Variants in DNAH1 observed in about 807,000 individuals in gnomAD.
DNAH1 encodes the protein dynein axonemal heavy chain 1, also known as axonemal beta dynein heavy chain 1.
A neutral mutation model predicts 484.3 loss-of-function variants in DNAH1; 327 were observed. The ratio of observed to expected loss-of-function variants is 0.68; its 90% CI spans 0.62 to 0.74. DNAH1 has a LOEUF of 0.74. DNAH1 is among the 30% of genes least tolerant of loss of function. The pLI, the probability that DNAH1 is intolerant of heterozygous loss-of-function variation, is 0.00. For missense variants in DNAH1, 5,052 were observed against 5,546.8 expected (o/e 0.91, Z 2.83); for synonymous variants, 2,192 against 2,191.9 (o/e 1.00, Z 0.00).
chr3:52,312,378 C>T (rs781520652), upstream of DNAH1, among the ~76,000 whole-genome samples: 2 of 152,028 alleles, frequency 1.3e-5, no homozygotes, highest in African/African-American at 4.8e-5. Context: ...CCTTACTGTA[C>T]ACTTCAGAGT....
chr3:52,374,173 T>A (rs1333987767), intron 44 of DNAH1: 2 of 1,276,212 alleles, frequency 1.6e-6, no homozygotes, highest in Non-Finnish European at 2.3e-6. Context: ...AACAGATAAA[T>A]AATATATTTT....
Position 52,344,629 on chromosome 3 carries a change from G to T in DNAH1, c.1426G>T (p.Glu476Ter). 6.2e-7 allele frequency: 1 copy of T among 1,613,626 alleles called. No homozygotes were observed. The highest frequency in any genetic ancestry group is 1.7e-5 in the Admixed American group (1 of 60,012). ...CGTCACCCTCCCCAAGAAGGAGGAG[G>T]AGCAGGTGCCTGAGCGAGGTGAGGG... The part of the protein sequence containing the change: ...SYVTLPKKEE[E>*]QVPERGLVSV... Residue 476 changes from glutamate to a stop codon, truncating the protein, a stop_gained, in exon 9 of 78, where the codon GAG (glutamate) becomes TAG (stop). Coordinates refer to ENST00000420323, the MANE Select transcript of DNAH1 (RefSeq NM_015512.5). LOFTEE classifies it high-confidence loss of function.
chr3:52,347,867 A>C lies in DNAH1; in HGVS notation c.1999A>C (p.Ser667Arg). The change falls in exon 12 of 78, where the codon AGC becomes CGC. Residue 667 changes from serine to arginine, a missense_variant. By Grantham distance (110) the Ser-to-Arg change is moderately radical. Coordinates refer to ENST00000420323, the MANE Select transcript of DNAH1 (RefSeq NM_015512.5). The stretch of plus-strand genomic sequence containing the variant: ...GTTCATCATGGACCTGGTGCTGGAC[A>C]GCTCTGGGGTGCACTATAGCACCCC... ...PLFIMDLVLD[S>R]SGVHYSTPLE... The C allele has an allele frequency of 6.2e-7, 1 of 1,603,722 alleles. No homozygotes were observed. The highest frequency in any genetic ancestry group is 8.5e-7 in the Non-Finnish European group (1 of 1,174,926).
chr3:52,368,833 C>T lies in DNAH1; in HGVS notation c.5858C>T (p.Ala1953Val). 2 of 1,613,994 alleles carry T rather than the reference C, an allele frequency of 1.2e-6. No individual in the cohort carries two copies. ...TACATGTTCGATGGGCCGGTGGATG[C>T]CATCTGGATTGAGAACATGAACACG... ...KWYMFDGPVDAIWIENMNTVL... is the reference protein window; with the variant it reads ...KWYMFDGPVDVIWIENMNTVL... The change falls in exon 37 of 78, where the codon GCC becomes GTC. Residue 1953 changes from alanine (A) to valine (V), a missense_variant. Physicochemically the swap from Ala to Val is moderately conservative, Grantham distance 64. Around this residue, in one of 4 missense-constraint regions of DNAH1, gnomAD observed 2,929 missense variants for 3,409.4 expected, o/e 0.86. Transcript: ENST00000420323. The surrounding 1 kb of genome is among the most constrained non-coding windows in gnomAD (Gnocchi z 4.4).
chr3:52,390,797 C>A, intron 60 of DNAH1, 138 bp from the exon 61 acceptor site: 1 of 1,336,568 alleles, frequency 7.5e-7, no homozygotes, highest in Non-Finnish European at 1.0e-6. Context: ...TACATTGTCA[C>A]CTGCCCCCAA....
chr3:52,382,179 G>A, intron 49 of DNAH1, 141 bp from the exon 50 acceptor site: 1 of 1,377,120 alleles, frequency 7.3e-7, no homozygotes, highest in Non-Finnish European at 1.0e-6. Context: ...AAAAAAGCAG[G>A]TTCAGGGCCT....
intron 45 of DNAH1, 148 bp from the exon 46 acceptor site, chr3:52,375,807 A>G (rs1559548006): frequency 1.1e-6 from 1 of 911,102 alleles, no homozygotes; most frequent in Non-Finnish European, 1.7e-6. Context: ...GCCACAAGAT[A>G]GGATGGACGG....
At chr3:52,312,613 G>C (rs906059223), upstream of DNAH1, among the ~76,000 whole-genome samples, 2 of 151,654 alleles carry the variant, frequency 1.3e-5, no homozygotes, top group African/African-American at 2.4e-5. Flanking sequence ...TGGGACTACA[G>C]GGATGTGCCA....
At chr3:52,341,154 A>T (rs949578625) in intron 8 of DNAH1, among the ~76,000 whole-genome samples, 4 of 152,178 alleles carry the variant, frequency 2.6e-5, no homozygotes, top group Non-Finnish European at 4.4e-5. Flanking sequence ...AGGGAAGTGC[A>T]TTCCTGTACC....
At position 52,364,748 on chromosome 3, in the gene DNAH1, C is replaced by T; in HGVS notation, c.5331+24C>T. On this transcript the variant is annotated intron_variant, in intron 33 of 77. Transcript: ENST00000420323. The surrounding 1 kb of genome is among the most constrained non-coding windows in gnomAD (Gnocchi z 4.2). ...AGGTGAGCTCCACCCAGCAGGGCTCCAGGAGTGGAACTCTGGGAGGGCTCC... is the reference window on the plus strand; with the variant it reads ...AGGTGAGCTCCACCCAGCAGGGCTCTAGGAGTGGAACTCTGGGAGGGCTCC... 1 of 1,609,530 alleles carries T rather than the reference C, an allele frequency of 6.2e-7. No homozygotes were observed. The highest frequency in any genetic ancestry group is 8.5e-7 in the Non-Finnish European group (1 of 1,177,276).
Position 52,393,492 on chromosome 3 carries a change from G to A in DNAH1, c.10626+7G>A, listed in dbSNP as rs1704486525. 2 of 1,613,820 alleles carry A rather than the reference G, an allele frequency of 1.2e-6. No homozygotes were observed. Among genetic ancestry groups the A allele is most frequent in the Admixed American group, 1.7e-5 (1 of 59,998 alleles). On this transcript the variant is annotated splice_region_variant and intron_variant, in intron 66 of 77. Transcript: ENST00000420323. ...CGAGGGCAAAATCAACCAGGTGCTGGCAGAGACACCCAGGACAGACTGCCT... is the reference window on the plus strand; with the variant it reads ...CGAGGGCAAAATCAACCAGGTGCTGACAGAGACACCCAGGACAGACTGCCT...
At chr3:52,314,430 G>A (rs1342899186), upstream of DNAH1, among the ~76,000 whole-genome samples, 1 of 152,234 alleles carries the variant, frequency 6.6e-6, no homozygotes, top group Non-Finnish European at 1.5e-5. Context: ...GGCTGGGGGA[G>A]AGGAGGTGAG....
upstream of DNAH1, among the ~76,000 whole-genome samples, chr3:52,314,683 T>C (rs1700892635): frequency 6.6e-6 from 1 of 151,966 alleles, no homozygotes; most frequent in South Asian, 2.1e-4. Context: ...AGGGAGTGAG[T>C]CATCTACCAA....
chr3:52,317,340 G>A (rs769556938), intron 1 of DNAH1, among the ~76,000 whole-genome samples: 2 of 152,096 alleles, frequency 1.3e-5, no homozygotes, highest in African/African-American at 4.8e-5. Context: ...GAGGGGTGTC[G>A]GGCGCATCCG....
In DNAH1 at chr3:52,359,608, G is replaced by A. The variant is rs570308786; in HGVS notation, c.4407+222G>A. ...CTGCAAGGGTCAGTGAGGGAGCCAC[G>A]CGCCTGGTCCCTCCTGCACAGTACC... On this transcript the variant is annotated intron_variant, in intron 26 of 77. Transcript: ENST00000420323. Among the ~76,000 whole-genome samples, 9 of 152,314 alleles carry A rather than the reference G, an allele frequency of 5.9e-5. 1 individual carries two copies. In the South Asian group the frequency reaches 1.2e-3, roughly 21 times the overall value.
intron 75 of DNAH1, 87 bp from the exon 76 acceptor site, chr3:52,398,760 GTTT>G (rs1162681205): frequency 1.7e-6 from 2 of 1,188,836 alleles, no homozygotes; most frequent in African/African-American, 3.1e-5. Context: ...TTTTGCCATT[GTTT>G]TTCACTCTGT....
intron 75 of DNAH1, 149 bp downstream of exon 75, chr3:52,398,311 C>A: frequency 9.1e-7 from 1 of 1,093,838 alleles, no homozygotes; most frequent in African/African-American, 1.6e-5. Context: ...GACACGGAGT[C>A]TCTCTCTGTT....
Position 52,395,981 on chromosome 3 carries a change from G to A in DNAH1, c.11259+303G>A, listed in dbSNP as rs1268503294. On this transcript the variant is annotated intron_variant, in intron 70 of 77. Transcript: ENST00000420323. This position sits in a 1 kb window ranked among gnomAD's most constrained non-coding sequence, Gnocchi z 4.4. ...TCAGACGGAGTCTCACTCTGTCACC[G>A]GGGCTGGGGTGCAGTGGTGCAATCT... Among the ~76,000 whole-genome samples the A allele has an allele frequency of 2.7e-5, 4 of 147,048 alleles. No homozygotes were observed. The highest frequency in any genetic ancestry group is 5.9e-5 in the Non-Finnish European group (4 of 67,244).
Position 52,326,905 on chromosome 3 carries a change from C to G in DNAH1, c.738+14C>G. ...CTCCCACTGAAGGTGAGCCGGGCTT[C>G]CACAGATGGTTGAGAGACAGGGGCA... is the stretch of plus-strand genomic sequence containing the variant. On this transcript the variant is annotated intron_variant, in intron 5 of 77. Coordinates refer to ENST00000420323, the MANE Select transcript of DNAH1 (RefSeq NM_015512.5). The G allele has an allele frequency of 6.2e-7, 1 of 1,609,188 alleles. No homozygotes were observed. The highest frequency in any genetic ancestry group is 8.5e-7 in the Non-Finnish European group (1 of 1,177,310).
Sources: gnomAD v4.1 joint callset for allele counts (sites outside exome capture counted in the v4.1 genomes callset) on GRCh38, gnomAD v4.1.1 for gene constraint, gnomAD v4.1.1 regional missense constraint, Gnocchi (gnomAD v3.1) non-coding constraint, MANE v1.5 for transcripts, NCBI Gene and HGNC (gene_info 2026-07-23, HGNC 2026-07-21) for gene names.